The following ITGB1 variants were observed in gnomAD, a reference collection of about 807,000 sequenced individuals.
The protein encoded by ITGB1 is integrin subunit beta 1.
ITGB1 carries 24 observed loss-of-function variants against 86.5 expected under a neutral mutation model. That is an observed-to-expected ratio of 0.28 (90% CI 0.20 to 0.39). The LOEUF (loss-of-function observed/expected upper bound fraction) is 0.39, where lower values mean the gene tolerates loss of function less well. Ranked by LOEUF, ITGB1 falls within the 10% of genes least tolerant of loss-of-function variation. ITGB1 has a pLI of 1.00. For missense variants in ITGB1, 556 were observed against 946.9 expected, an observed-to-expected ratio of 0.59 and a Z score of 5.42; for synonymous variants, 323 against 316.8, an observed-to-expected ratio of 1.02 and a Z score of -0.21.
chr10:32,941,411 A>C (rs2095017949), intron 1 of ITGB1, among the ~76,000 whole-genome samples: 1 of 152,206 alleles, frequency 6.6e-6, no homozygotes, highest in Non-Finnish European at 1.5e-5. Flanking sequence ...ATTATCTTAA[A>C]ATCTTAAAAT....
intron 1 of ITGB1, chr10:32,944,419 C>A: frequency 3.2e-6 from 1 of 316,666 alleles, no homozygotes; most frequent in South Asian, 2.9e-5. Context: ...CGGCAGCAGC[C>A]GTGATCATGG....
intron 1 of ITGB1, among the ~76,000 whole-genome samples, chr10:32,938,616 G>C (rs2095010033): frequency 6.6e-6 from 1 of 152,198 alleles, no homozygotes; most frequent in African/African-American, 2.4e-5. Flanking sequence ...TCCAAACCCG[G>C]AAGCAGGCGA....
chr10:32,938,403 A>AG (rs1200672605), intron 1 of ITGB1, among the ~76,000 whole-genome samples: 1 of 152,230 alleles, frequency 6.6e-6, no homozygotes, highest in Non-Finnish European at 1.5e-5. Context: ...AGGCTGTTTA[A>AG]TGATCACTAG....
intron 2 of ITGB1, among the ~76,000 whole-genome samples, chr10:32,934,846 G>A (rs1211775746): frequency 6.6e-6 from 1 of 152,032 alleles, no homozygotes; most frequent in African/African-American, 2.4e-5. Flanking sequence ...CTGATTTTAT[G>A]TAACTAACTT....
At chr10:32,945,616 T>C (rs771807416) in intron 1 of ITGB1, among the ~76,000 whole-genome samples, 11 of 151,468 alleles carry the variant, frequency 7.3e-5, no homozygotes, top group Non-Finnish European at 1.2e-4. Flanking sequence ...AAAGATTAAG[T>C]GATTGATAAA....
Position 32,935,575 on chromosome 10 carries a change from G to A in ITGB1, c.1-17C>T, listed in dbSNP as rs2137240144. ...TAAATTCATCTGAAATGTAAAATGTGCCTTATATTAGTTATAAAGAAATAA... is the reference window on the plus strand; with the variant it reads ...TAAATTCATCTGAAATGTAAAATGTACCTTATATTAGTTATAAAGAAATAA... On this transcript the variant is annotated splice_polypyrimidine_tract_variant and intron_variant, in intron 1 of 15. Coordinates refer to ENST00000302278, the MANE Select transcript of ITGB1 (RefSeq NM_002211.4). 2 of 1,556,330 alleles carry A rather than the reference G, an allele frequency of 1.3e-6. No individual in the cohort carries two copies. Among genetic ancestry groups the A allele is most frequent in the South Asian group, 1.1e-5 (1 of 89,622 alleles).
intron 11 of ITGB1, among the ~76,000 whole-genome samples, chr10:32,917,452 G>T (rs1344034820): frequency 6.6e-6 from 1 of 152,122 alleles, no homozygotes; most frequent in Non-Finnish European, 1.5e-5. Context: ...ATCTGACAAA[G>T]GGCTAATATC....
intron 15 of ITGB1, among the ~76,000 whole-genome samples, chr10:32,905,563 ACAATGT>A (rs1365928543): frequency 2.0e-5 from 3 of 152,240 alleles, no homozygotes; most frequent in African/African-American, 7.2e-5. Flanking sequence ...GCTACCAAGT[ACAATGT>A]CATAGACAAG....
chr10:32,917,887 G>GT (rs2094936994), intron 11 of ITGB1, among the ~76,000 whole-genome samples: 1 of 152,016 alleles, frequency 6.6e-6, no homozygotes, highest in South Asian at 2.1e-4. Context: ...ATAAAGACAC[G>GT]TGCACACGTA....
chr10:32,929,743 A>G (rs1215424677), intron 4 of ITGB1, 79 bp downstream of exon 4: 2 of 823,228 alleles, frequency 2.4e-6, no homozygotes, highest in Non-Finnish European at 4.2e-6. Context: ...TTCAACAGAA[A>G]CTGGTCAGAG....
At chr10:32,911,302 A>T in intron 13 of ITGB1, 146 bp downstream of exon 13, 1 of 661,590 alleles carries the variant, frequency 1.5e-6, no homozygotes, top group Non-Finnish European at 2.6e-6. Context: ...AAGAACTTTT[A>T]AGAATTAAAG....
chr10:32,935,204 G>A lies in ITGB1; in HGVS notation c.67+288C>T, dbSNP rs191951224. On this transcript the variant is annotated intron_variant, in intron 2 of 15. Transcript: ENST00000302278. ...CTAAATATACTTGCTTTTGCCTTCT[G>A]TTCACTTACACACTCTCATGTTCTC... 4.3e-4 allele frequency among the ~76,000 whole-genome samples: 65 copies of A among 152,236 alleles called. 1 individual carries two copies. Among genetic ancestry groups the A allele is most frequent in the Admixed American group, 1.6e-3 (25 of 15,296 alleles).
intron 13 of ITGB1, among the ~76,000 whole-genome samples, chr10:32,910,658 A>G (rs2094910399): frequency 6.6e-6 from 1 of 151,982 alleles, no homozygotes; most frequent in African/African-American, 2.4e-5. Context: ...AAAATTAAAG[A>G]TTTATTACAG....
chr10:32,921,029 A>C (rs976089917), intron 9 of ITGB1, among the ~76,000 whole-genome samples: 3 of 151,746 alleles, frequency 2.0e-5, no homozygotes, highest in Non-Finnish European at 2.9e-5. Flanking sequence ...AAAAAAAACG[A>C]AATAAATGCT....
chr10:32,912,106 A>C lies in ITGB1; in HGVS notation c.1488T>G (p.Val496=), dbSNP rs2094915256. Residue 496 remains valine, a synonymous_variant, in exon 12 of 16, where the codon GTT becomes GTG. Coordinates refer to ENST00000302278, the MANE Select transcript of ITGB1 (RefSeq NM_002211.4). ...CTGTGCTGCATTCACAATGTCTACC[A>C]ACACGCCCTTCATTGCACCTGAAGA... ...CGACRCNEGR[V]GRHCECSTDE... 1.2e-6 allele frequency: 2 copies of C among 1,612,376 alleles called. No homozygotes were observed. The highest frequency in any genetic ancestry group is 1.7e-6 in the Non-Finnish European group (2 of 1,178,938).
At chr10:32,927,833 G>A (rs1462711913) in intron 5 of ITGB1, among the ~76,000 whole-genome samples, 1 of 152,118 alleles carries the variant, frequency 6.6e-6, no homozygotes, top group East Asian at 1.9e-4. Flanking sequence ...GATCAAGTTA[G>A]TATGAAAATA....
chr10:32,909,179 A>G (rs1026757379), intron 14 of ITGB1, among the ~76,000 whole-genome samples: 1 of 152,224 alleles, frequency 6.6e-6, no homozygotes, highest in African/African-American at 2.4e-5. Context: ...ACTCAGATAC[A>G]TGGAACAGAA....
At chr10:32,925,422 A>G (rs1435278573) in intron 6 of ITGB1, among the ~76,000 whole-genome samples, 2 of 152,244 alleles carry the variant, frequency 1.3e-5, no homozygotes, top group Non-Finnish European at 2.9e-5. Context: ...TGTCTTTCAA[A>G]GACAGTGAGA....
intron 11 of ITGB1, among the ~76,000 whole-genome samples, chr10:32,918,910 C>T (rs1386928611): frequency 2.0e-5 from 3 of 152,158 alleles, no homozygotes; most frequent in Non-Finnish European, 1.5e-5. Flanking sequence ...CATGTGCAGA[C>T]TTTTCAGGTT....
Sources: allele counts gnomAD v4.1 joint callset (sites outside exome capture counted in the v4.1 genomes callset), GRCh38; gene constraint gnomAD v4.1.1; transcripts MANE v1.5; gene names NCBI Gene and HGNC (gene_info 2026-07-23, HGNC 2026-07-21).